The following OSBPL10 variants were observed in gnomAD, a reference collection of about 807,000 sequenced individuals.
OSBPL10 encodes the protein oxysterol-binding protein-related protein 10.
OSBPL10 carries 49 observed loss-of-function variants against 81.7 expected under a neutral mutation model. That is an observed-to-expected ratio of 0.60 (90% confidence interval 0.48 to 0.76). The LOEUF (loss-of-function observed/expected upper bound fraction) is 0.76, where lower values mean the gene tolerates loss of function less well. Among genes scored for constraint, OSBPL10 ranks in the 30% least tolerant of loss-of-function variants. OSBPL10 has a pLI of 0.00. For synonymous variants in OSBPL10, 419 were observed against 383.6 expected (o/e 1.09, Z -1.08); for missense variants, 923 against 987.8 (o/e 0.93, Z 0.88).
In OSBPL10 at chr3:31,829,941, A is replaced by G. The variant is rs2125527956; in HGVS notation, c.729+99T>C. On this transcript the variant is annotated intron_variant, in intron 4 of 11. Transcript: ENST00000396556. ...GAGGTTTGCTGCTGGTCCTCTCTCC[A>G]TAAATCAAGACGGCGCAAAGGAAGA... 4 of 1,259,800 alleles carry G rather than the reference A, an allele frequency of 3.2e-6. No homozygotes were observed. The South Asian group carries it at 4.9e-5, about 15-fold the overall frequency. The allele number at this position is 1,259,800 out of a possible 1,614,324, so 78.0% of individuals were successfully genotyped here. A position where few individuals can be genotyped will look rare whatever the true frequency, so the allele number is the denominator to read the frequency against.
Position 31,937,039 on chromosome 3 carries a change from C to T in OSBPL10, c.281+43860G>A, listed in dbSNP as rs74368512. 6.6e-5 allele frequency among the ~76,000 whole-genome samples: 10 copies of T among 152,164 alleles called. No individual in the cohort carries two copies. The East Asian group carries it at 1.9e-3, about 29-fold the overall frequency. The stretch of plus-strand genomic sequence containing the variant: ...GTGGCTTATGCCTGTAATCCCAACA[C>T]TTTGGGAGGTTGAGGCAGGCAGATC... On this transcript the variant is annotated intron_variant, in intron 1 of 11. Transcript: ENST00000396556.
intron 6 of OSBPL10, chr3:31,709,401 G>A (rs1696181568): frequency 6.6e-6 from 1 of 152,196 alleles, no homozygotes; most frequent in Non-Finnish European, 1.5e-5. Context: ...CTTCTGGGGA[G>A]GGGAGAGAGT....
At chr3:31,799,406 A>AAAAAT (rs1699321088) in intron 4 of OSBPL10, among the ~76,000 whole-genome samples, 1 of 146,280 alleles carries the variant, frequency 6.8e-6, no homozygotes, top group African/African-American at 2.6e-5. Flanking sequence ...AAAAAAAAAA[A>AAAAAT]TGGAAGAAAG....
Position 31,661,841 on chromosome 3 carries a change from T to C in OSBPL10, c.*231A>G. ...CAGATGTTTACATAGTGCATGTGTG[T>C]GAACGTATACGGTGTGTACACACAC... On this transcript the variant is annotated 3_prime_UTR_variant, in exon 12 of 12. Coordinates refer to ENST00000396556, the MANE Select transcript of OSBPL10 (RefSeq NM_017784.5). The C allele has an allele frequency of 2.1e-6, 1 of 476,066 alleles. No homozygotes were observed. The highest frequency in any genetic ancestry group is 3.6e-6 in the Non-Finnish European group (1 of 276,660). 29.5% of individuals were successfully genotyped at this position (476,066 alleles called of 1,614,324 possible). A position where few individuals can be genotyped will look rare whatever the true frequency, so the allele number is the denominator to read the frequency against.
chr3:31,971,125 T>TTTTTTTTC (rs1698551331), intron 1 of OSBPL10, among the ~76,000 whole-genome samples: 1 of 140,182 alleles, frequency 7.1e-6, no homozygotes. Flanking sequence ...TTTTTCTGTT[T>TTTTTTTTC]TTTTTTCTTT....
chr3:31,739,801 T>C (rs549895816), intron 5 of OSBPL10, among the ~76,000 whole-genome samples: 1 of 152,378 alleles, frequency 6.6e-6, no homozygotes, highest in East Asian at 1.9e-4. Flanking sequence ...TATAATACTG[T>C]AGCAGCCCAT....
chr3:31,889,889 A>T (rs999188133), intron 1 of OSBPL10, among the ~76,000 whole-genome samples: 6 of 152,150 alleles, frequency 3.9e-5, no homozygotes, highest in African/African-American at 1.4e-4. Flanking sequence ...TGTATGTCTC[A>T]AAACATCACT....
In OSBPL10 at chr3:31,859,163, G is replaced by GT. The variant is rs948517574; in HGVS notation, c.537+17269dup. Among the ~76,000 whole-genome samples, 985 of 151,594 alleles carry GT rather than the reference G, an allele frequency of 6.5e-3. 14 individuals carry two copies. Among genetic ancestry groups the GT allele is most frequent in the African/African-American group, 0.023 (956 of 40,962 alleles). Reference sequence around the variant, plus strand: ...TGGCCCAGGCACAGCCAGAAACCAGGTTTTTTTTTTTGTTGTTGTTTTTAC... The same window carrying GT: ...TGGCCCAGGCACAGCCAGAAACCAGGTTTTTTTTTTTTGTTGTTGTTTTTAC... On this transcript the variant is annotated intron_variant, in intron 3 of 11. Coordinates refer to ENST00000396556, the MANE Select transcript of OSBPL10 (RefSeq NM_017784.5).
chr3:32,059,808 A>T lies in OSBPL10; in HGVS notation n.186-13205T>A, dbSNP rs140724691. 6.3e-3 allele frequency among the ~76,000 whole-genome samples: 959 copies of T among 151,794 alleles called. 31 individuals are homozygous for T. The East Asian group carries it at 0.095, about 15-fold the overall frequency. On this transcript the variant is annotated intron_variant and non_coding_transcript_variant, in intron 1 of 3. Transcript: ENST00000479173. ...ATGCCTGTAGTCCCAGCTACTTGGGAGGCTGAGATGGGTGGATTGATTGAG... is the reference window on the plus strand; with the variant it reads ...ATGCCTGTAGTCCCAGCTACTTGGGTGGCTGAGATGGGTGGATTGATTGAG...
intron 4 of OSBPL10, 79 bp downstream of exon 4, chr3:31,829,961 G>A: frequency 7.2e-7 from 1 of 1,389,658 alleles, no homozygotes; most frequent in East Asian, 2.4e-5. Flanking sequence ...ACGGCGCAAA[G>A]GAAGAGGAGT....
At chr3:31,741,582 G>A (rs1325109541) in intron 5 of OSBPL10, among the ~76,000 whole-genome samples, 2 of 152,196 alleles carry the variant, frequency 1.3e-5, no homozygotes, top group Non-Finnish European at 2.9e-5. Context: ...TTTCTTTAGG[G>A]AGAAGTTGGC....
intron 6 of OSBPL10, among the ~76,000 whole-genome samples, chr3:31,730,139 G>A (rs1008584435): frequency 7.2e-5 from 11 of 152,104 alleles, no homozygotes; most frequent in African/African-American, 1.2e-4. Flanking sequence ...TCAGGAGATC[G>A]AGATCATGCT....
At chr3:31,753,047 G>C (rs1356403921) in intron 4 of OSBPL10, among the ~76,000 whole-genome samples, 1 of 152,134 alleles carries the variant, frequency 6.6e-6, no homozygotes, top group Non-Finnish European at 1.5e-5. Flanking sequence ...CCTTGGTTTG[G>C]CATTTCTCTT....
intron 2 of OSBPL10, among the ~76,000 whole-genome samples, chr3:32,040,388 CAG>C (rs1253580368): frequency 6.6e-6 from 1 of 152,118 alleles, no homozygotes; most frequent in African/African-American, 2.4e-5. Flanking sequence ...GCCTAGGCGA[CAG>C]AGCAAGACCC....
At chr3:31,783,146 T>TATATATTATATATATATATACACAC (rs1485968747) in intron 4 of OSBPL10, among the ~76,000 whole-genome samples, 5 of 113,036 alleles carry the variant, frequency 4.4e-5, no homozygotes, top group Admixed American at 9.0e-5. Context: ...TATATATATA[T>TATATATTATATATATATATACACAC]ACACACACAC....
chr3:32,068,756 C>G (rs1699802546), intron 1 of OSBPL10, among the ~76,000 whole-genome samples: 2 of 152,056 alleles, frequency 1.3e-5, no homozygotes, highest in East Asian at 3.9e-4. Flanking sequence ...AGTCTCTGTT[C>G]CCAATGCAAC....
intron 4 of OSBPL10, among the ~76,000 whole-genome samples, chr3:31,781,542 T>C (rs1698695625): frequency 6.6e-6 from 1 of 151,930 alleles, no homozygotes; most frequent in Non-Finnish European, 1.5e-5. Context: ...TGCTGATGTA[T>C]ACCTAGGAAA....
At chr3:31,701,680 C>A (rs1189045583) in intron 7 of OSBPL10, 1 of 151,956 alleles carries the variant, frequency 6.6e-6, no homozygotes, top group Non-Finnish European at 1.5e-5. Flanking sequence ...TTCCTGCTTG[C>A]CTCTAGAATG....
At chr3:31,703,034 G>T (rs1443663498) in intron 6 of OSBPL10, among the ~76,000 whole-genome samples, 1 of 152,162 alleles carries the variant, frequency 6.6e-6, no homozygotes, top group Non-Finnish European at 1.5e-5. Context: ...CTGAGAATTG[G>T]CATTAATTTA....
Sources: gnomAD v4.1 joint callset for allele counts (sites outside exome capture counted in the v4.1 genomes callset) on GRCh38, gnomAD v4.1.1 for gene constraint, MANE v1.5 for transcripts, NCBI Gene and HGNC (gene_info 2026-07-23, HGNC 2026-07-21) for gene names.